SORCS3: variants seen among roughly 807,000 people sequenced by gnomAD.
The protein encoded by SORCS3 is VPS10 domain-containing receptor SorCS3.
In SORCS3, 57 loss-of-function variants were observed where a neutral mutation model predicts 146.3. The observed-to-expected ratio is 0.39, with a 90% CI of 0.31 to 0.49. The LOEUF is 0.49. Ranked by LOEUF, SORCS3 falls within the 20% of genes least tolerant of loss-of-function variation. The pLI, the probability that SORCS3 is intolerant of heterozygous loss-of-function variation, is 0.92. For missense variants in SORCS3, 1,341 were observed against 1,575.5 expected, an observed-to-expected ratio of 0.85 and a Z score of 2.52; for synonymous variants, 653 against 618.5, an observed-to-expected ratio of 1.06 and a Z score of -0.83.
intron 1 of SORCS3, among the ~76,000 whole-genome samples, chr10:104,806,060 C>A (rs1212616090): frequency 6.6e-6 from 1 of 152,118 alleles, no homozygotes; most frequent in Non-Finnish European, 1.5e-5. Context: ...TATTTTTGGC[C>A]ACTTTTTTAC....
At chr10:104,719,209 C>T (rs991972121) in intron 1 of SORCS3, among the ~76,000 whole-genome samples, 3 of 152,076 alleles carry the variant, frequency 2.0e-5, no homozygotes, top group Non-Finnish European at 4.4e-5. Context: ...TAATGGCTGC[C>T]GTATTGGACA....
chr10:104,758,028 C>A (rs2017076054), intron 1 of SORCS3, among the ~76,000 whole-genome samples: 1 of 152,160 alleles, frequency 6.6e-6, no homozygotes, highest in African/African-American at 2.4e-5. Context: ...GGAGAATTTT[C>A]AGCCCTGGAA....
chr10:105,032,047 C>A (rs1331064043), intron 4 of SORCS3, among the ~76,000 whole-genome samples: 1 of 152,024 alleles, frequency 6.6e-6, no homozygotes, highest in Non-Finnish European at 1.5e-5. Context: ...ACAAAATGAG[C>A]CAGGTGTGGT....
At chr10:104,693,559 A>G (rs1488488999) in intron 1 of SORCS3, among the ~76,000 whole-genome samples, 4 of 152,178 alleles carry the variant, frequency 2.6e-5, no homozygotes, top group Admixed American at 2.6e-4. Flanking sequence ...TTATGACCGC[A>G]ACCTTGACAG....
At chr10:105,149,333 C>T (rs996763520) in intron 9 of SORCS3, among the ~76,000 whole-genome samples, 4 of 152,064 alleles carry the variant, frequency 2.6e-5, no homozygotes, top group South Asian at 2.1e-4. Context: ...AAAACAAAAT[C>T]GTAGAAATAC....
At chr10:104,975,959 T>C (rs545225431) in intron 3 of SORCS3, among the ~76,000 whole-genome samples, 92 of 152,320 alleles carry the variant, frequency 6.0e-4, no homozygotes, top group African/African-American at 2.2e-3. Context: ...ATAAAAACCC[T>C]AGAAGAAAAC....
In SORCS3 at chr10:104,641,666, G is replaced by A. The variant is rs760156637; in HGVS notation, c.339G>A (p.Glu113=). The stretch of plus-strand genomic sequence containing the variant: ...CCGGAGGGACATCACCGGCAGGCGA[G>A]CGGCGGGGCCGGGGCATCCCAGCTC... The part of the protein sequence containing the change: ...VEAGGTSPAG[E]RRGRGIPAPA... The change falls in exon 1 of 27, where the codon GAG becomes GAA. Residue 113 remains glutamate (E), a synonymous_variant. Transcript: ENST00000369701. The surrounding 1 kb of genome is among the most constrained non-coding windows in gnomAD (Gnocchi z 6.4). 4 of 1,526,230 alleles carry A rather than the reference G, an allele frequency of 2.6e-6. No homozygotes were observed. The highest frequency in any genetic ancestry group is 3.5e-6 in the Non-Finnish European group (4 of 1,141,072). 94.5% of individuals were successfully genotyped at this position (1,526,230 alleles called of 1,614,324 possible).
At chr10:104,719,108 C>T (rs898698128) in intron 1 of SORCS3, among the ~76,000 whole-genome samples, 4 of 152,078 alleles carry the variant, frequency 2.6e-5, no homozygotes, top group Non-Finnish European at 5.9e-5. Flanking sequence ...ATATATTTTT[C>T]ATACTAAGTA....
chr10:104,766,517 T>C (rs1564678598), intron 1 of SORCS3, among the ~76,000 whole-genome samples: 1 of 152,226 alleles, frequency 6.6e-6, no homozygotes, highest in Non-Finnish European at 1.5e-5. Context: ...TGTTCACTCT[T>C]GTATCGCAGG....
At chr10:105,137,350 C>T (rs1412003380) in intron 7 of SORCS3, among the ~76,000 whole-genome samples, 2 of 152,020 alleles carry the variant, frequency 1.3e-5, no homozygotes, top group African/African-American at 4.8e-5. Context: ...AAAGCTTTGT[C>T]ATCAGGTATA....
intron 1 of SORCS3, among the ~76,000 whole-genome samples, chr10:104,779,947 A>G (rs917949954): frequency 6.6e-6 from 1 of 152,176 alleles, no homozygotes; most frequent in Non-Finnish European, 1.5e-5. Flanking sequence ...CGTGCACATC[A>G]TTAACCTGTC....
intron 3 of SORCS3, among the ~76,000 whole-genome samples, chr10:104,974,949 T>G (rs2133646937): frequency 6.6e-6 from 1 of 152,268 alleles, no homozygotes; most frequent in Non-Finnish European, 1.5e-5. Context: ...TCTCCTTCAC[T>G]TATGAAGCTT....
rs564922067 is a variant in SORCS3, at chr10:105,184,253, A to G, written c.2009+6080A>G. Among the ~76,000 whole-genome samples, 5 of 152,372 alleles carry G rather than the reference A, an allele frequency of 3.3e-5. No individual in the cohort carries two copies. In the South Asian group the frequency reaches 1.0e-3, roughly 32 times the overall value. On this transcript the variant is annotated intron_variant, in intron 14 of 26. Coordinates refer to ENST00000369701, the MANE Select transcript of SORCS3 (RefSeq NM_014978.3). ...GTGGGTGAAAGCAGCCATAGACAGTATGGAGACAAATGGGCATCTGTGTGT... is the reference window on the plus strand; with the variant it reads ...GTGGGTGAAAGCAGCCATAGACAGTGTGGAGACAAATGGGCATCTGTGTGT...
intron 7 of SORCS3, among the ~76,000 whole-genome samples, chr10:105,111,575 T>C (rs1453698365): frequency 6.6e-6 from 1 of 152,216 alleles, no homozygotes; most frequent in Non-Finnish European, 1.5e-5. Flanking sequence ...GCGTAAGAAA[T>C]GACCATGCAA....
chr10:105,207,782 C>T (rs1390795227), intron 16 of SORCS3, among the ~76,000 whole-genome samples: 1 of 152,154 alleles, frequency 6.6e-6, no homozygotes, highest in Non-Finnish European at 1.5e-5. Context: ...ATGCCTGGTG[C>T]ACCTTTTAAA....
At chr10:105,045,022 A>G (rs756630172) in intron 5 of SORCS3, among the ~76,000 whole-genome samples, 17 of 33,044 alleles carry the variant, frequency 5.1e-4, no homozygotes, top group Non-Finnish European at 1.4e-3. Context: ...CCAGAATTCG[A>G]AAAAAAAAAA....
intron 11 of SORCS3, among the ~76,000 whole-genome samples, chr10:105,163,083 C>T (rs900489574): frequency 6.6e-6 from 1 of 152,042 alleles, no homozygotes; most frequent in Non-Finnish European, 1.5e-5. Flanking sequence ...CAAGCCTCTC[C>T]CTACTCCTCC....
At chr10:105,047,017 G>A (rs1472574897) in intron 5 of SORCS3, among the ~76,000 whole-genome samples, 1 of 151,812 alleles carries the variant, frequency 6.6e-6, no homozygotes, top group Non-Finnish European at 1.5e-5. Flanking sequence ...TGTCATGGGG[G>A]AAAAGCTTTT....
chr10:104,969,018 A>G (rs1473791965), intron 3 of SORCS3, among the ~76,000 whole-genome samples: 2 of 152,228 alleles, frequency 1.3e-5, no homozygotes, highest in Non-Finnish European at 2.9e-5. Flanking sequence ...ATCCATGTGT[A>G]ACAAGAAAAA....
Sources: gnomAD v4.1 joint callset for allele counts (sites outside exome capture counted in the v4.1 genomes callset) on GRCh38, gnomAD v4.1.1 for gene constraint, Gnocchi (gnomAD v3.1) non-coding constraint, MANE v1.5 for transcripts, NCBI Gene and HGNC (gene_info 2026-07-23, HGNC 2026-07-21) for gene names.